The following SCN3B variants were observed in gnomAD, a reference collection of about 807,000 sequenced individuals.
SCN3B encodes sodium channel regulatory subunit beta-3.
Under a neutral mutation model 25.4 loss-of-function variants are expected in SCN3B, and 11 were observed. The observed-to-expected ratio is 0.43, with a 90% CI of 0.27 to 0.72. The LOEUF (loss-of-function observed/expected upper bound fraction) is 0.72, where lower values mean the gene tolerates loss of function less well. Ranked by LOEUF, SCN3B falls within the 30% of genes least tolerant of loss-of-function variation. The pLI, the probability that SCN3B is intolerant of heterozygous loss-of-function variation, is 0.18. For missense variants in SCN3B, 218 were observed against 278.3 expected (o/e 0.78, Z 1.54); for synonymous variants, 109 against 110.7 (o/e 0.99, Z 0.09).
chr11:123,646,027 T>C (rs767856484), intron 2 of SCN3B, among the ~76,000 whole-genome samples: 1 of 152,262 alleles, frequency 6.6e-6, no homozygotes, highest in South Asian at 2.1e-4. Flanking sequence ...CCGTACATTA[T>C]ACTTGAGCCC....
At chr11:123,650,471 G>C (rs1955911114) in intron 2 of SCN3B, among the ~76,000 whole-genome samples, 2 of 152,200 alleles carry the variant, frequency 1.3e-5, no homozygotes, top group Admixed American at 6.5e-5. Flanking sequence ...TGTCAATTTA[G>C]CTGGTCACTT....
At chr11:123,639,919 A>G (rs1053737917) in intron 4 of SCN3B, 1 of 152,220 alleles carries the variant, frequency 6.6e-6, no homozygotes, top group Non-Finnish European at 1.5e-5. Context: ...ATATCCTGAT[A>G]TATCTACTCC....
At chr11:123,635,497 A>G (rs1591342530) in intron 5 of SCN3B, among the ~76,000 whole-genome samples, 1 of 152,112 alleles carries the variant, frequency 6.6e-6, no homozygotes, top group Non-Finnish European at 1.5e-5. Flanking sequence ...ATCCTGGCTA[A>G]CATGGTGAAA....
intron 4 of SCN3B, chr11:123,638,872 A>G (rs533100655): frequency 6.6e-4 from 127 of 193,202 alleles, no homozygotes; most frequent in African/African-American, 2.8e-3. Context: ...GCCAACAAAG[A>G]CAGCCTCCAT....
chr11:123,645,294 C>G (rs1955841582), intron 3 of SCN3B, among the ~76,000 whole-genome samples: 1 of 152,142 alleles, frequency 6.6e-6, no homozygotes, highest in Non-Finnish European at 1.5e-5. Flanking sequence ...GATGAAAACA[C>G]CTGCAAAATG....
At chr11:123,652,971 ACT>A (rs746241606) in intron 2 of SCN3B, among the ~76,000 whole-genome samples, 7 of 152,136 alleles carry the variant, frequency 4.6e-5, no homozygotes, top group Non-Finnish European at 8.8e-5. Context: ...CGTCTCTGAC[ACT>A]CTCTTCAGCC....
At position 123,642,502 on chromosome 11, in the gene SCN3B, G is replaced by T. The variant is rs587777556; in HGVS notation, c.389C>A (p.Ala130Glu). The T allele has an allele frequency of 8.7e-6, 14 of 1,614,154 alleles. No individual in the cohort carries two copies. Among genetic ancestry groups the T allele is most frequent in the East Asian group, 2.2e-5 (1 of 44,874 alleles). The part of the protein sequence containing the change: ...CNVSREFEFE[A>E]HRPFVKTTRL... ...CGTCGTCTTCACAAAGGGCCGATGC[G>T]CCTCAAACTCAAACTCCCGGGACAC... Residue 130 changes from alanine to glutamate, a missense_variant, in exon 4 of 7, where the codon GCG (alanine) becomes GAG (glutamate). Transcript: ENST00000299333. This position sits in a 1 kb window ranked among gnomAD's most constrained non-coding sequence, Gnocchi z 4.3.
At chr11:123,652,452 A>G (rs1955937541) in intron 2 of SCN3B, among the ~76,000 whole-genome samples, 1 of 152,218 alleles carries the variant, frequency 6.6e-6, no homozygotes, top group Non-Finnish European at 1.5e-5. Context: ...TGCAAAATCC[A>G]GATAATGCTG....
At chr11:123,640,549 T>A (rs1434411587) in intron 4 of SCN3B, 1 of 42,208 alleles carries the variant, frequency 2.4e-5, no homozygotes, top group Non-Finnish European at 4.6e-5. Context: ...GGGGTTGGGG[T>A]GGTGGGGGTG....
chr11:123,644,397 G>A (rs1249492340), intron 3 of SCN3B, among the ~76,000 whole-genome samples: 1 of 152,176 alleles, frequency 6.6e-6, no homozygotes, highest in East Asian at 1.9e-4. Flanking sequence ...TAAGTGTGAA[G>A]TCAAGAATCA....
Position 123,653,762 on chromosome 11 carries a change from C to G in SCN3B, c.40G>C (p.Val14Leu). ...TGGTACTTACCCCAGTAGATAAGCA[C>G]GAGAGAAGCCAGGGGAAACAATCTA... is the stretch of plus-strand genomic sequence containing the variant. ...FNRLFPLASLVLIYWVSVCFP... is the reference protein window; with the variant it reads ...FNRLFPLASLLLIYWVSVCFP... Residue 14 changes from valine to leucine, a missense_variant, in exon 2 of 7, where the codon GTG (valine) becomes CTG (leucine). Coordinates refer to ENST00000299333, the MANE Select transcript of SCN3B (RefSeq NM_001040151.2). 5.0e-6 allele frequency: 8 copies of G among 1,614,212 alleles called. No homozygotes were observed. Among genetic ancestry groups the G allele is most frequent in the Non-Finnish European group, 6.8e-6 (8 of 1,180,038 alleles).
intron 6 of SCN3B, 30 bp downstream of exon 6, chr11:123,634,091 G>C (rs1955699775): frequency 6.5e-7 from 1 of 1,550,008 alleles, no homozygotes. Context: ...ATCCACATCT[G>C]CCTTCCCCTC....
rs1000312586 is a variant in SCN3B, at chr11:123,645,614, G to A, written c.192C>T (p.Tyr64=). ...GGAAATCTTTACCGCCCTCGGGCCTGTAGAACCATTCCACCACCGTGGTGG... is the reference window on the plus strand; with the variant it reads ...GGAAATCTTTACCGCCCTCGGGCCTATAGAACCATTCCACCACCGTGGTGG... The part of the protein sequence containing the change: ...VEATTVVEWF[Y]RPEGGKDFLI... The change falls in exon 3 of 7, where the codon TAC becomes TAT. Residue 64 remains tyrosine (Y), a synonymous_variant. Coordinates refer to ENST00000299333, the MANE Select transcript of SCN3B (RefSeq NM_001040151.2). 11 of 1,614,214 alleles carry A rather than the reference G, an allele frequency of 6.8e-6. No homozygotes were observed. Among genetic ancestry groups the A allele is most frequent in the Admixed American group, 1.7e-5 (1 of 60,024 alleles).
intron 1 of SCN3B, 48 bp downstream of exon 1, chr11:123,654,178 C>T (rs1016350078): frequency 3.0e-5 from 11 of 370,660 alleles, no homozygotes; most frequent in Admixed American, 1.5e-4. Context: ...AAGGGAGTCG[C>T]ACTGCTGGCC....
intron 2 of SCN3B, among the ~76,000 whole-genome samples, chr11:123,648,693 G>A (rs956254774): frequency 6.6e-6 from 1 of 152,024 alleles, no homozygotes; most frequent in Non-Finnish European, 1.5e-5. Context: ...AAGAAATGAG[G>A]ATACAAGCTA....
Position 123,632,187 on chromosome 11 carries a change from T to C in SCN3B, c.*1612A>G, listed in dbSNP as rs1955680117. The C allele has an allele frequency of 6.6e-6, 1 of 152,250 alleles. No individual in the cohort carries two copies. Among genetic ancestry groups the C allele is most frequent in the African/African-American group, 2.4e-5 (1 of 41,470 alleles). 9.4% of individuals were successfully genotyped at this position (152,250 alleles called of 1,614,324 possible). ...AAAAAATCTGAAAATTATGCATTCA[T>C]AGGCGAAGTATTTGGAAAGCACCTA... On this transcript the variant is annotated 3_prime_UTR_variant, in exon 7 of 7. Transcript: ENST00000299333.
At chr11:123,636,794 C>T (rs551338802) in intron 5 of SCN3B, among the ~76,000 whole-genome samples, 1 of 151,786 alleles carries the variant, frequency 6.6e-6, no homozygotes, top group South Asian at 2.1e-4. Flanking sequence ...CCCAGGTTCA[C>T]GCCATTCTCC....
At chr11:123,633,833 C>T in intron 6 of SCN3B, 57 bp from the exon 7 acceptor site, 1 of 383,766 alleles carries the variant, frequency 2.6e-6, no homozygotes, top group Non-Finnish European at 5.0e-6. Context: ...CCCAGCCCAG[C>T]CCAAAAATTC....
At chr11:123,649,652 TTC>T (rs1565498264) in intron 2 of SCN3B, among the ~76,000 whole-genome samples, 1 of 150,780 alleles carries the variant, frequency 6.6e-6, no homozygotes, top group African/African-American at 2.4e-5. Context: ...TTTTCTTTCT[TTC>T]TCTTTCTTTC....
Sources: gnomAD v4.1 joint callset for allele counts (sites outside exome capture counted in the v4.1 genomes callset) on GRCh38, gnomAD v4.1.1 for gene constraint, Gnocchi (gnomAD v3.1) non-coding constraint, MANE v1.5 for transcripts, NCBI Gene and HGNC (gene_info 2026-07-23, HGNC 2026-07-21) for gene names.